RBFOX1: variants seen among roughly 807,000 people sequenced by gnomAD.
RBFOX1 encodes the protein RNA binding fox-1 homolog 1, also known as RNA binding protein fox-1 homolog 1.
In RBFOX1, 8 loss-of-function variants were observed where a neutral mutation model predicts 57.7. That is an observed-to-expected ratio of 0.14 (90% CI 0.08 to 0.25). The LOEUF is 0.25. RBFOX1 is among the 10% of genes least tolerant of loss of function. The pLI, the probability that RBFOX1 is intolerant of heterozygous loss-of-function variation, is 1.00. For synonymous variants in RBFOX1, 326 were observed against 222.4 expected, an observed-to-expected ratio of 1.47 and a Z score of -4.15; for missense variants, 611 against 548.5, an observed-to-expected ratio of 1.11 and a Z score of -1.14.
intron 3 of RBFOX1, among the ~76,000 whole-genome samples, chr16:6,794,650 C>T (rs567131386): frequency 1.3e-5 from 2 of 152,106 alleles, no homozygotes; most frequent in Non-Finnish European, 2.9e-5. Context: ...GTGAGAGAAA[C>T]CAAACCCTTC....
At chr16:6,999,282 C>G (rs974250343) in intron 3 of RBFOX1, among the ~76,000 whole-genome samples, 33 of 143,768 alleles carry the variant, frequency 2.3e-4, no homozygotes, top group African/African-American at 7.3e-4. Context: ...GTCCTGAACT[C>G]CTGGGTTCAA....
intron 2 of RBFOX1, among the ~76,000 whole-genome samples, chr16:6,348,342 G>A (rs747769095): frequency 1.3e-5 from 2 of 152,116 alleles, no homozygotes; most frequent in Non-Finnish European, 2.9e-5. Flanking sequence ...TATGCTTCTT[G>A]GAGAATTGAA....
chr16:6,825,123 A>T (rs182723358), intron 3 of RBFOX1, among the ~76,000 whole-genome samples: 2 of 149,910 alleles, frequency 1.3e-5, no homozygotes, highest in African/African-American at 4.9e-5. Context: ...CAGCCTCCCA[A>T]GTAGCTAGGA....
At chr16:5,706,771 A>G (rs4451950) in intron 3 of RBFOX1, among the ~76,000 whole-genome samples, 1 of 151,782 alleles carries the variant, frequency 6.6e-6, no homozygotes, top group Non-Finnish European at 1.5e-5. Context: ...GGGCACCCCT[A>G]TGAATTTGCA....
intron 11 of RBFOX1, among the ~76,000 whole-genome samples, chr16:7,641,405 C>G (rs1158247024): frequency 6.6e-6 from 1 of 152,184 alleles, no homozygotes; most frequent in African/African-American, 2.4e-5. Context: ...AAAGAACTGT[C>G]ATGCCAAAAG....
At chr16:7,591,877 G>A (rs1441927260) in intron 7 of RBFOX1, among the ~76,000 whole-genome samples, 2 of 152,116 alleles carry the variant, frequency 1.3e-5, no homozygotes, top group Non-Finnish European at 2.9e-5. Context: ...ACCATGAGGC[G>A]GGTCAGAAAA....
intron 1 of RBFOX1, among the ~76,000 whole-genome samples, chr16:5,282,224 C>T (rs1000521774): frequency 6.6e-6 from 1 of 152,218 alleles, no homozygotes; most frequent in African/African-American, 2.4e-5. Flanking sequence ...TTGACTTCCG[C>T]AATGATTTTG....
chr16:5,608,725 G>A (rs1300645803), intron 3 of RBFOX1, among the ~76,000 whole-genome samples: 2 of 152,200 alleles, frequency 1.3e-5, no homozygotes, highest in Non-Finnish European at 2.9e-5. Flanking sequence ...TAACAGTTGT[G>A]AGATACACTG....
intron 3 of RBFOX1, among the ~76,000 whole-genome samples, chr16:5,801,343 T>C (rs939072248): frequency 1.5e-4 from 23 of 149,256 alleles, no homozygotes; most frequent in African/African-American, 4.9e-4. Context: ...CCCTCTCTCT[T>C]TTTTTTTTTT....
At chr16:7,699,199 T>C (rs532037586) in intron 14 of RBFOX1, among the ~76,000 whole-genome samples, 1 of 152,288 alleles carries the variant, frequency 6.6e-6, no homozygotes, top group South Asian at 2.1e-4. Context: ...AGGGACCTTT[T>C]CTCTTTGAGA....
intron 4 of RBFOX1, among the ~76,000 whole-genome samples, chr16:7,270,408 T>C (rs1456855695): frequency 1.3e-5 from 2 of 152,058 alleles, no homozygotes; most frequent in African/African-American, 2.4e-5. Flanking sequence ...AAAAAAAACA[T>C]CTAACAATGA....
intron 3 of RBFOX1, among the ~76,000 whole-genome samples, chr16:6,703,303 G>A (rs2062146130): frequency 6.6e-6 from 1 of 152,010 alleles, no homozygotes; most frequent in Non-Finnish European, 1.5e-5. Context: ...GGCTGGGAGT[G>A]GTAGCTTACA....
At chr16:7,536,747 C>T (rs1403566762) in intron 5 of RBFOX1, among the ~76,000 whole-genome samples, 3 of 152,198 alleles carry the variant, frequency 2.0e-5, no homozygotes, top group Non-Finnish European at 4.4e-5. Context: ...GTATATGTCT[C>T]TTTCCAACAG....
intron 4 of RBFOX1, among the ~76,000 whole-genome samples, chr16:5,992,979 T>C (rs911921353): frequency 5.3e-5 from 8 of 152,166 alleles, no homozygotes; most frequent in African/African-American, 1.9e-4. Flanking sequence ...GGCAGACATC[T>C]GCCGACTTGA....
At chr16:6,022,321 A>C (rs532239587) in intron 1 of RBFOX1, among the ~76,000 whole-genome samples, 10 of 152,190 alleles carry the variant, frequency 6.6e-5, no homozygotes, top group Admixed American at 1.3e-4. Flanking sequence ...ACAAGAATCG[A>C]AGAATATTAG....
intron 1 of RBFOX1, among the ~76,000 whole-genome samples, chr16:6,131,489 C>T (rs2096629343): frequency 6.6e-6 from 1 of 152,162 alleles, no homozygotes; most frequent in Non-Finnish European, 1.5e-5. Flanking sequence ...TTAAATGCAG[C>T]TTCTGAAAGT....
intron 6 of RBFOX1, among the ~76,000 whole-genome samples, chr16:7,580,556 A>T (rs2093678754): frequency 6.6e-6 from 1 of 152,170 alleles, no homozygotes; most frequent in South Asian, 2.1e-4. Flanking sequence ...GTGGTGCTAT[A>T]TGCCATGAAG....
intron 1 of RBFOX1, among the ~76,000 whole-genome samples, chr16:6,141,602 G>A (rs2096716467): frequency 6.6e-6 from 1 of 151,996 alleles, no homozygotes. Context: ...CCACTAAGCT[G>A]TGTTTATTTC....
chr16:6,836,170 A>C (rs1178175498), intron 3 of RBFOX1, among the ~76,000 whole-genome samples: 1 of 152,220 alleles, frequency 6.6e-6, no homozygotes, highest in Non-Finnish European at 1.5e-5. Context: ...GTCACCGGGT[A>C]ACGCATTATT....
Sources: gnomAD v4.1 joint callset for allele counts (sites outside exome capture counted in the v4.1 genomes callset) on GRCh38, gnomAD v4.1.1 for gene constraint, MANE v1.5 for transcripts, NCBI Gene and HGNC (gene_info 2026-07-23, HGNC 2026-07-21) for gene names.